Variants in CTNND2 observed in about 807,000 individuals in gnomAD.
CTNND2 encodes the protein catenin delta-2.
In CTNND2, 22 loss-of-function variants were observed where a neutral mutation model predicts 144.4. The observed-to-expected ratio is 0.15, with a 90% confidence interval of 0.11 to 0.22. CTNND2 has a LOEUF of 0.22. Ranked by LOEUF, CTNND2 falls within the 10% of genes least tolerant of loss-of-function variation. The pLI is 1.00. For synonymous variants in CTNND2, 751 were observed against 695.6 expected (o/e 1.08, Z -1.25); for missense variants, 1,353 against 1,618.8 (o/e 0.84, Z 2.82).
chr5:11,359,096 T>C (rs1756188107), intron 8 of CTNND2, among the ~76,000 whole-genome samples: 1 of 152,212 alleles, frequency 6.6e-6, no homozygotes, highest in African/African-American at 2.4e-5. Flanking sequence ...GAGTTTGAAA[T>C]AAAAATTCAT....
intron 9 of CTNND2, among the ~76,000 whole-genome samples, chr5:11,311,702 C>T (rs1437534831): frequency 1.4e-5 from 2 of 146,574 alleles, no homozygotes; most frequent in South Asian, 4.5e-4. Context: ...CTCCATGCAC[C>T]CTCACCACAC....
At chr5:11,784,475 C>T (rs564698216) in intron 1 of CTNND2, among the ~76,000 whole-genome samples, 10 of 152,198 alleles carry the variant, frequency 6.6e-5, no homozygotes, top group African/African-American at 2.4e-4. Context: ...TTTTATTATC[C>T]TCTCATCCAC....
intron 12 of CTNND2, among the ~76,000 whole-genome samples, chr5:11,129,296 T>TATAAAA (rs1245338925): frequency 1.4e-4 from 6 of 43,918 alleles, no homozygotes; most frequent in African/African-American, 4.7e-4. Flanking sequence ...AAATATATAA[T>TATAAAA]ATATATTATA....
At chr5:11,675,988 T>C (rs369453279) in intron 2 of CTNND2, among the ~76,000 whole-genome samples, 6 of 152,044 alleles carry the variant, frequency 3.9e-5, no homozygotes, top group African/African-American at 1.4e-4. Context: ...ATTTGAGCTC[T>C]GATAAGGGAC....
At chr5:11,455,096 T>C (rs1377765874) in intron 3 of CTNND2, among the ~76,000 whole-genome samples, 1 of 151,286 alleles carries the variant, frequency 6.6e-6, no homozygotes, top group Non-Finnish European at 1.5e-5. Flanking sequence ...AACTTCTGGG[T>C]TTTTGGTTGT....
At chr5:11,446,672 C>G (rs1764832177) in intron 3 of CTNND2, among the ~76,000 whole-genome samples, 1 of 152,084 alleles carries the variant, frequency 6.6e-6, no homozygotes, top group African/African-American at 2.4e-5. Context: ...TCAGTCTGTA[C>G]CCCACATCTG....
chr5:11,763,502 T>C (rs1789398298), intron 1 of CTNND2, among the ~76,000 whole-genome samples: 1 of 152,210 alleles, frequency 6.6e-6, no homozygotes. Context: ...CACCTGCCTG[T>C]GCTTCAATTG....
chr5:11,237,639 T>G (rs1389089138), intron 9 of CTNND2, among the ~76,000 whole-genome samples: 1 of 152,156 alleles, frequency 6.6e-6, no homozygotes, highest in East Asian at 1.9e-4. Flanking sequence ...TAGCTGGGGT[T>G]ACAGGCATGT....
At chr5:11,097,145 C>T (rs1439821300) in intron 15 of CTNND2, among the ~76,000 whole-genome samples, 1 of 152,196 alleles carries the variant, frequency 6.6e-6, no homozygotes, top group Non-Finnish European at 1.5e-5. Context: ...TGCCCAGGCT[C>T]ACCATGCTCA....
chr5:11,199,195 T>C (rs544992023), intron 11 of CTNND2, among the ~76,000 whole-genome samples: 1 of 152,294 alleles, frequency 6.6e-6, no homozygotes, highest in East Asian at 1.9e-4. Context: ...TACTACTTCA[T>C]CCACTGACAA....
intron 9 of CTNND2, among the ~76,000 whole-genome samples, chr5:11,287,909 C>T (rs932665093): frequency 1.3e-5 from 2 of 152,076 alleles, no homozygotes; most frequent in Non-Finnish European, 2.9e-5. Context: ...ACAATAAATG[C>T]GAATTACCAA....
intron 2 of CTNND2, among the ~76,000 whole-genome samples, chr5:11,661,230 T>A (rs1783186420): frequency 6.6e-6 from 1 of 152,158 alleles, no homozygotes; most frequent in Non-Finnish European, 1.5e-5. Context: ...GGAAAATAAA[T>A]GTTGAGAAAT....
chr5:11,302,918 CCTT>C (rs1749764428), intron 9 of CTNND2, among the ~76,000 whole-genome samples: 2 of 152,192 alleles, frequency 1.3e-5, no homozygotes. Context: ...AACCTCGCGT[CCTT>C]CCTCCTTTTT....
intron 2 of CTNND2, among the ~76,000 whole-genome samples, chr5:11,667,476 G>T (rs971877552): frequency 1.3e-5 from 2 of 152,154 alleles, no homozygotes; most frequent in Non-Finnish European, 2.9e-5. Context: ...GCGTGAAATG[G>T]TATCTCATTG....
intron 1 of CTNND2, among the ~76,000 whole-genome samples, chr5:11,755,141 A>G (rs1788863148): frequency 6.6e-6 from 1 of 151,726 alleles, no homozygotes; most frequent in Non-Finnish European, 1.5e-5. Flanking sequence ...GTCTGGTGGT[A>G]ACAAATTCCC....
At chr5:11,148,388 T>G (rs533200851) in intron 12 of CTNND2, among the ~76,000 whole-genome samples, 22 of 151,944 alleles carry the variant, frequency 1.4e-4, no homozygotes, top group African/African-American at 4.8e-4. Context: ...GCCTGGGAGG[T>G]GGAGGGTCAT....
chr5:11,611,949 T>G (rs1780351411), intron 2 of CTNND2, among the ~76,000 whole-genome samples: 1 of 152,218 alleles, frequency 6.6e-6, no homozygotes, highest in African/African-American at 2.4e-5. Flanking sequence ...TGATTCTATT[T>G]CATTTCTAGT....
intron 15 of CTNND2, among the ~76,000 whole-genome samples, chr5:11,089,907 A>T (rs886350287): frequency 6.6e-6 from 1 of 152,104 alleles, no homozygotes; most frequent in Admixed American, 6.6e-5. Context: ...TCCTCGGGAG[A>T]CTGAGGCAGG....
intron 1 of CTNND2, among the ~76,000 whole-genome samples, chr5:11,879,356 T>TATATAC (rs904010417): frequency 7.1e-6 from 1 of 141,362 alleles, no homozygotes; most frequent in Non-Finnish European, 1.6e-5. Context: ...TATATATATA[T>TATATAC]ACATATACAC....
Sources: allele counts gnomAD v4.1 joint callset (sites outside exome capture counted in the v4.1 genomes callset), GRCh38; gene constraint gnomAD v4.1.1; transcripts MANE v1.5; gene names NCBI Gene and HGNC (gene_info 2026-07-23, HGNC 2026-07-21).